Variants in XNDC1N observed in about 807,000 individuals in gnomAD.
XNDC1N encodes the protein protein XNDC1N.
the XNDC1N span, among the ~76,000 whole-genome samples, chr11:71,885,110 C>A: frequency 2.0e-5 from 3 of 152,228 alleles, no homozygotes; most frequent in East Asian, 5.8e-4. Flanking sequence ...CCTGGGTATA[C>A]AGAGATTGTA....
the XNDC1N span, chr11:71,884,494 A>G: frequency 6.2e-7 from 1 of 1,610,482 alleles, no homozygotes; most frequent in Non-Finnish European, 8.5e-7. Flanking sequence ...GCAATTAGAT[A>G]CTGTGCTGAC....
At chr11:71,923,018 G>A in the XNDC1N span, among the ~76,000 whole-genome samples, 2 of 152,216 alleles carry the variant, frequency 1.3e-5, no homozygotes, top group Non-Finnish European at 2.9e-5. Context: ...CTCCCCTTCT[G>A]AGGATCCTGG....
At chr11:71,920,777 A>AT in the XNDC1N span, among the ~76,000 whole-genome samples, 58 of 152,276 alleles carry the variant, frequency 3.8e-4, no homozygotes, top group Admixed American at 6.5e-4. Flanking sequence ...AAAGTCAGAT[A>AT]TTTTTTGGTT....
At chr11:71,883,888 G>A in the XNDC1N span, among the ~76,000 whole-genome samples, 1 of 152,082 alleles carries the variant, frequency 6.6e-6, no homozygotes, top group African/African-American at 2.4e-5. Flanking sequence ...CTCAATTAAG[G>A]ATTCTTTTTT....
At chr11:71,887,460 A>G in the XNDC1N span, among the ~76,000 whole-genome samples, 1 of 152,010 alleles carries the variant, frequency 6.6e-6, no homozygotes, top group Non-Finnish European at 1.5e-5. Context: ...TGGTCCCCCG[A>G]GAGGAGGAAA....
chr11:71,919,943 T>C, the XNDC1N span, among the ~76,000 whole-genome samples: 39 of 77,880 alleles, frequency 5.0e-4, no homozygotes, highest in East Asian at 3.3e-3. Context: ...TTTTTTTTTT[T>C]TTTTTTTTTT....
the XNDC1N span, among the ~76,000 whole-genome samples, chr11:71,924,564 GC>G: frequency 6.6e-6 from 1 of 151,974 alleles, no homozygotes; most frequent in South Asian, 2.1e-4. Flanking sequence ...TGTAGTCCCA[GC>G]TACTCGGGAG....
At chr11:71,908,817 C>T in the XNDC1N span, among the ~76,000 whole-genome samples, 1 of 152,152 alleles carries the variant, frequency 6.6e-6, no homozygotes, top group African/African-American at 2.4e-5. Flanking sequence ...GCTAGAGGAA[C>T]ATGCACCAGC....
the XNDC1N span, among the ~76,000 whole-genome samples, chr11:71,908,667 C>G: frequency 6.6e-6 from 1 of 152,070 alleles, no homozygotes; most frequent in South Asian, 2.1e-4. Context: ...CGCCCCATAC[C>G]GAAAAGCCAC....
chr11:71,866,786 A>T, the XNDC1N span, among the ~76,000 whole-genome samples: 2 of 152,008 alleles, frequency 1.3e-5, no homozygotes, highest in Admixed American at 6.6e-5. Flanking sequence ...GACAAAGGCA[A>T]TACTATATAA....
the XNDC1N span, among the ~76,000 whole-genome samples, chr11:71,879,008 A>T: frequency 2.0e-5 from 3 of 152,278 alleles, no homozygotes; most frequent in Admixed American, 2.0e-4. Context: ...TCAAAAAATA[A>T]TCATAAAAAA....
the XNDC1N span, among the ~76,000 whole-genome samples, chr11:71,915,465 A>G: frequency 2.0e-5 from 3 of 151,936 alleles, no homozygotes; most frequent in African/African-American, 2.4e-5. Context: ...AAAAAGAAAA[A>G]AAAAAGATTA....
At chr11:71,892,467 G>C in the XNDC1N span, among the ~76,000 whole-genome samples, 2,665 of 152,164 alleles carry the variant, frequency 0.018, 33 homozygotes, top group Non-Finnish European at 0.026. Flanking sequence ...AAGATCACAG[G>C]GTGTAGAGCC....
At chr11:71,892,131 A>C in the XNDC1N span, among the ~76,000 whole-genome samples, 2 of 152,244 alleles carry the variant, frequency 1.3e-5, no homozygotes, top group East Asian at 1.9e-4. Flanking sequence ...CTCACGGTGT[A>C]CACCCACTGT....
At chr11:71,910,486 G>A in the XNDC1N span, among the ~76,000 whole-genome samples, 4 of 152,122 alleles carry the variant, frequency 2.6e-5, no homozygotes, top group Non-Finnish European at 2.9e-5. Flanking sequence ...GCGTGGGCTC[G>A]AGACCTCCAG....
At chr11:71,922,693 A>G in the XNDC1N span, among the ~76,000 whole-genome samples, 1 of 152,196 alleles carries the variant, frequency 6.6e-6, no homozygotes, top group Non-Finnish European at 1.5e-5. Context: ...CTCATCATGC[A>G]AATAATATTG....
the XNDC1N span, among the ~76,000 whole-genome samples, chr11:71,890,692 T>C: frequency 6.6e-6 from 1 of 152,208 alleles, no homozygotes; most frequent in Non-Finnish European, 1.5e-5. Context: ...GAACAACCCC[T>C]GCGATATTTG....
the XNDC1N span, among the ~76,000 whole-genome samples, chr11:71,870,478 AAAGTTCTAACTT>A: frequency 2.6e-5 from 4 of 152,192 alleles, no homozygotes; most frequent in Non-Finnish European, 5.9e-5. Context: ...GTTCTAACTT[AAAGTTCTAACTT>A]AAGTTCTAAC....
chr11:71,899,774 A>G, the XNDC1N span, among the ~76,000 whole-genome samples: 11 of 152,292 alleles, frequency 7.2e-5, no homozygotes, highest in Non-Finnish European at 1.2e-4. Context: ...GAGGAGAAAG[A>G]CCTGACCGTC....
Sources: gnomAD v4.1 joint callset for allele counts (sites outside exome capture counted in the v4.1 genomes callset) on GRCh38, gnomAD v4.1.1 for gene constraint, MANE v1.5 for transcripts, NCBI Gene and HGNC (gene_info 2026-07-23, HGNC 2026-07-21) for gene names.